Variants in CDK6 observed in about 807,000 individuals in gnomAD.
The protein encoded by CDK6 is cyclin-dependent kinase 6.
In CDK6, 6 loss-of-function variants were observed where a neutral mutation model predicts 37.1. That is an observed-to-expected ratio of 0.16 (90% CI 0.09 to 0.32). The LOEUF (loss-of-function observed/expected upper bound fraction) is 0.32. Ranked by LOEUF, CDK6 falls within the 10% of genes least tolerant of loss-of-function variation. CDK6 has a pLI of 1.00. For missense variants in CDK6, 224 were observed against 418.9 expected, an observed-to-expected ratio of 0.53 and a Z score of 4.06; for synonymous variants, 160 against 161.3, an observed-to-expected ratio of 0.99 and a Z score of 0.06.
At chr7:92,639,327 G>C (rs991811878) in intron 5 of CDK6, among the ~76,000 whole-genome samples, 2 of 152,164 alleles carry the variant, frequency 1.3e-5, no homozygotes, top group Non-Finnish European at 2.9e-5. Flanking sequence ...AAGGACTATG[G>C]GGTAAACTCT....
At chr7:92,719,305 T>C (rs1286000972) in intron 4 of CDK6, among the ~76,000 whole-genome samples, 4 of 152,196 alleles carry the variant, frequency 2.6e-5, no homozygotes, top group African/African-American at 4.8e-5. Flanking sequence ...GTAATACTTC[T>C]GGTATTAAAT....
chr7:92,812,074 G>C (rs1313723427), intron 2 of CDK6, among the ~76,000 whole-genome samples: 1 of 152,194 alleles, frequency 6.6e-6, no homozygotes, highest in Non-Finnish European at 1.5e-5. Context: ...GGGAGGTGGA[G>C]ATTGCAATCA....
intron 5 of CDK6, among the ~76,000 whole-genome samples, chr7:92,633,121 C>A (rs1420829008): frequency 1.3e-5 from 2 of 152,008 alleles, no homozygotes; most frequent in Non-Finnish European, 2.9e-5. Flanking sequence ...ATTAAAAAAA[C>A]TATGGGTACA....
intron 4 of CDK6, among the ~76,000 whole-genome samples, chr7:92,711,787 C>T (rs184076388): frequency 6.5e-4 from 98 of 151,660 alleles, no homozygotes; most frequent in Non-Finnish European, 1.0e-3. Context: ...AGGTTGGTCT[C>T]AAACTCCTGG....
chr7:92,670,106 T>C (rs1358365453), intron 5 of CDK6, among the ~76,000 whole-genome samples: 2 of 152,204 alleles, frequency 1.3e-5, no homozygotes, highest in Non-Finnish European at 2.9e-5. Context: ...CAAGCTTCCT[T>C]TGGACTCATA....
At chr7:92,621,892 G>A (rs1469445377) in intron 6 of CDK6, among the ~76,000 whole-genome samples, 1 of 152,110 alleles carries the variant, frequency 6.6e-6, no homozygotes, top group African/African-American at 2.4e-5. Flanking sequence ...ATTAACAGAA[G>A]TCTAGCTGCT....
chr7:92,753,027 A>G (rs1799222268), intron 3 of CDK6, among the ~76,000 whole-genome samples: 1 of 152,148 alleles, frequency 6.6e-6, no homozygotes, highest in Non-Finnish European at 1.5e-5. Context: ...ATATTTTCAT[A>G]TTTAACCAAA....
At chr7:92,636,298 G>A (rs906084032) in intron 5 of CDK6, among the ~76,000 whole-genome samples, 1 of 152,092 alleles carries the variant, frequency 6.6e-6, no homozygotes, top group Non-Finnish European at 1.5e-5. Flanking sequence ...GAGCTCAAGC[G>A]ATCTGCTGCC....
At chr7:92,760,797 T>C (rs965666099) in intron 3 of CDK6, among the ~76,000 whole-genome samples, 1 of 152,178 alleles carries the variant, frequency 6.6e-6, no homozygotes, top group Non-Finnish European at 1.5e-5. Flanking sequence ...TGTATTTCTT[T>C]AGGCAATTAT....
At chr7:92,806,600 A>G (rs1800730779) in intron 2 of CDK6, among the ~76,000 whole-genome samples, 1 of 152,230 alleles carries the variant, frequency 6.6e-6, no homozygotes, top group African/African-American at 2.4e-5. Flanking sequence ...TAAAGCAGTC[A>G]GTTCATGTTA....
chr7:92,771,872 T>C (rs960053123), intron 3 of CDK6, among the ~76,000 whole-genome samples: 2 of 152,226 alleles, frequency 1.3e-5, no homozygotes, highest in African/African-American at 4.8e-5. Context: ...AATGAGCCTA[T>C]ATAACAACAA....
At chr7:92,635,918 T>G (rs1796159771) in intron 5 of CDK6, among the ~76,000 whole-genome samples, 1 of 152,174 alleles carries the variant, frequency 6.6e-6, no homozygotes, top group African/African-American at 2.4e-5. Flanking sequence ...TTAGACATAG[T>G]CAGGGACGTG....
At chr7:92,671,560 GT>G in intron 4 of CDK6, 25 bp from the exon 5 acceptor site, 1 of 1,433,600 alleles carries the variant, frequency 7.0e-7, no homozygotes, top group Non-Finnish European at 9.4e-7. Flanking sequence ...GGATCCAAGT[GT>G]TACTGAGAAG....
chr7:92,810,077 T>C (rs1800835127), intron 2 of CDK6, among the ~76,000 whole-genome samples: 1 of 152,184 alleles, frequency 6.6e-6, no homozygotes, highest in Admixed American at 6.5e-5. Flanking sequence ...GTCAATTCTA[T>C]ATGCTGGTCT....
At chr7:92,825,338 A>G (rs1801281762) in intron 2 of CDK6, among the ~76,000 whole-genome samples, 6 of 152,124 alleles carry the variant, frequency 3.9e-5, no homozygotes, top group Admixed American at 3.9e-4. Context: ...ATTTAGAAAT[A>G]CTTATTCAGG....
chr7:92,752,328 C>T (rs1168181040), intron 3 of CDK6, among the ~76,000 whole-genome samples: 16 of 152,180 alleles, frequency 1.1e-4, no homozygotes, highest in Non-Finnish European at 2.9e-5. Flanking sequence ...TTGAACTATT[C>T]CACTGTTCAT....
At chr7:92,804,371 A>G (rs777040069) in intron 2 of CDK6, among the ~76,000 whole-genome samples, 6 of 152,018 alleles carry the variant, frequency 3.9e-5, no homozygotes, top group Non-Finnish European at 8.8e-5. Context: ...AATTTCAACA[A>G]CCTTCACCGT....
intron 4 of CDK6, among the ~76,000 whole-genome samples, chr7:92,681,994 T>C (rs962211069): frequency 6.6e-6 from 1 of 152,164 alleles, no homozygotes; most frequent in Non-Finnish European, 1.5e-5. Flanking sequence ...ATATTTCTTC[T>C]CTCTGTAAGC....
intron 2 of CDK6, among the ~76,000 whole-genome samples, chr7:92,799,069 A>G (rs185182713): frequency 2.0e-5 from 3 of 152,144 alleles, no homozygotes; most frequent in Admixed American, 2.0e-4. Context: ...CTATTTCCTC[A>G]TAACAACAAA....
Sources: allele counts gnomAD v4.1 joint callset (sites outside exome capture counted in the v4.1 genomes callset), GRCh38; gene constraint gnomAD v4.1.1; transcripts MANE v1.5; gene names NCBI Gene and HGNC (gene_info 2026-07-23, HGNC 2026-07-21).